Variants in EGFLAM observed in about 807,000 individuals in gnomAD.
EGFLAM encodes pikachurin.
In EGFLAM, 79 loss-of-function variants were observed where a neutral mutation model predicts 113.1. The observed-to-expected ratio is 0.70, with a 90% CI of 0.58 to 0.84. The LOEUF is 0.84. Ranked by LOEUF, EGFLAM falls within the 40% of genes least tolerant of loss-of-function variation. The pLI, the probability that EGFLAM is intolerant of heterozygous loss-of-function variation, is 0.00. For synonymous variants in EGFLAM, 504 were observed against 487.6 expected, an observed-to-expected ratio of 1.03 and a Z score of -0.44; for missense variants, 1,265 against 1,291.6, an observed-to-expected ratio of 0.98 and a Z score of 0.32.
chr5:38,356,226 G>C (rs1248297679), intron 5 of EGFLAM, among the ~76,000 whole-genome samples: 1 of 152,190 alleles, frequency 6.6e-6, no homozygotes, highest in Non-Finnish European at 1.5e-5. Context: ...GGAAGGCCCA[G>C]TCACTTGTTA....
intron 1 of EGFLAM, among the ~76,000 whole-genome samples, chr5:38,314,440 T>C (rs1738538220): frequency 6.6e-6 from 1 of 152,206 alleles, no homozygotes; most frequent in Non-Finnish European, 1.5e-5. Flanking sequence ...ATTATGTGAA[T>C]GTGAGGATGT....
chr5:38,450,466 G>A (rs1742876874), intron 18 of EGFLAM, among the ~76,000 whole-genome samples: 1 of 152,206 alleles, frequency 6.6e-6, no homozygotes, highest in Non-Finnish European at 1.5e-5. Context: ...GAGACAGACA[G>A]AGGGATGGCT....
At chr5:38,377,185 G>A (rs1194078806) in intron 6 of EGFLAM, among the ~76,000 whole-genome samples, 2 of 151,118 alleles carry the variant, frequency 1.3e-5, no homozygotes, top group East Asian at 3.9e-4. Context: ...GCAGTCGTGC[G>A]ATCTCAGTTC....
intron 19 of EGFLAM, among the ~76,000 whole-genome samples, chr5:38,455,355 G>A (rs1320210945): frequency 6.6e-6 from 1 of 152,214 alleles, no homozygotes; most frequent in East Asian, 1.9e-4. Context: ...CAAGACGTGG[G>A]TAGAGAAGTT....
chr5:38,315,603 C>T lies in EGFLAM; in HGVS notation c.98-21917C>T, dbSNP rs115330476. ...GCTTGAGAGGAAATTGGTGTCCTCC[C>T]CAACAAGAGAGAGCACTAAAGAGCC... is the stretch of plus-strand genomic sequence containing the variant. On this transcript the variant is annotated intron_variant, in intron 1 of 21. Transcript: ENST00000322350. 2.1e-3 allele frequency among the ~76,000 whole-genome samples: 326 copies of T among 152,228 alleles called. 1 individual carries two copies. The highest frequency in any genetic ancestry group is 7.6e-3 in the African/African-American group (315 of 41,514).
At chr5:38,391,763 A>G (rs942891909) in intron 6 of EGFLAM, among the ~76,000 whole-genome samples, 1 of 151,640 alleles carries the variant, frequency 6.6e-6, no homozygotes, top group African/African-American at 2.4e-5. Flanking sequence ...TTCAGTCCTC[A>G]TTGTCCTTCA....
intron 1 of EGFLAM, among the ~76,000 whole-genome samples, chr5:38,328,510 G>A (rs571153965): frequency 3.9e-5 from 6 of 152,210 alleles, no homozygotes; most frequent in East Asian, 1.9e-4. Flanking sequence ...GCATATTGCC[G>A]CCAAAGTGTC....
intron 1 of EGFLAM, among the ~76,000 whole-genome samples, chr5:38,318,493 T>C (rs929631154): frequency 1.3e-5 from 2 of 151,814 alleles, no homozygotes; most frequent in African/African-American, 2.4e-5. Context: ...CTATACTCTC[T>C]ATACTATCTA....
rs529243564 is a variant in EGFLAM at position 38,425,232 on chromosome 5, G to A, written c.1810+140G>A. The A allele has an allele frequency of 4.6e-6, 6 of 1,309,152 alleles. No individual in the cohort carries two copies. In the African/African-American group the frequency reaches 7.5e-5, roughly 16 times the overall value. The allele number at this position is 1,309,152 out of a possible 1,614,324, so 81.1% of individuals were successfully genotyped here. The stretch of plus-strand genomic sequence containing the variant: ...CTCCCTCTCTTACCCAGGCCGGAGT[G>A]CAGTGGCGCATCTCGGCTCACTGCA... On this transcript the variant is annotated intron_variant, in intron 13 of 21. Transcript: ENST00000322350.
chr5:38,451,189 G>A (rs1742901234), intron 18 of EGFLAM, 126 bp from the exon 19 acceptor site: 1 of 1,286,698 alleles, frequency 7.8e-7, no homozygotes, highest in Admixed American at 2.0e-5. Context: ...TGGTAATGAA[G>A]TAAGTGTCAG....
At chr5:38,400,335 G>T (rs1380471136) in intron 6 of EGFLAM, among the ~76,000 whole-genome samples, 1 of 152,066 alleles carries the variant, frequency 6.6e-6, no homozygotes, top group Non-Finnish European at 1.5e-5. Context: ...TTTGTGTTTT[G>T]TTTATTAACT....
chr5:38,295,019 G>T lies in EGFLAM; in HGVS notation c.97+36168G>T, dbSNP rs1758420017. Among the ~76,000 whole-genome samples, 2 of 152,136 alleles carry T rather than the reference G, an allele frequency of 1.3e-5. 1 individual carries two copies. Among genetic ancestry groups the T allele is most frequent in the South Asian group, 4.1e-4 (2 of 4,828 alleles). ...ATTTTGTATTTTTAGTGAAGACGGG[G>T]TTTCTCCATGTTGGTCAGGCTGGTC... is the stretch of plus-strand genomic sequence containing the variant. On this transcript the variant is annotated intron_variant, in intron 1 of 21. Coordinates refer to ENST00000322350, the MANE Select transcript of EGFLAM (RefSeq NM_152403.4).
intron 6 of EGFLAM, among the ~76,000 whole-genome samples, chr5:38,374,583 T>A (rs1211447429): frequency 6.6e-6 from 1 of 152,150 alleles, no homozygotes; most frequent in Non-Finnish European, 1.5e-5. Context: ...GGTATTACAA[T>A]AGTGATGTTA....
Position 38,438,364 on chromosome 5 carries a change from C to T in EGFLAM, c.2373C>T (p.Ala791=). ...ATGCGGCCCACCCCTGTGTGAGAGC[C>T]CCTTGTGCCCATGGGGGCAGCTGCC... ...VENAAHPCVR[A]PCAHGGSCRP... The change falls in exon 17 of 22, where the codon GCC becomes GCT. Residue 791 remains alanine (A), a synonymous_variant. Coordinates refer to ENST00000322350, the MANE Select transcript of EGFLAM (RefSeq NM_152403.4). 6.2e-7 allele frequency: 1 copy of T among 1,614,070 alleles called. No individual in the cohort carries two copies. Among genetic ancestry groups the T allele is most frequent in the Non-Finnish European group, 8.5e-7 (1 of 1,179,984 alleles).
At chr5:38,374,041 A>G (rs565177249) in intron 6 of EGFLAM, among the ~76,000 whole-genome samples, 1 of 152,322 alleles carries the variant, frequency 6.6e-6, no homozygotes, top group South Asian at 2.1e-4. Context: ...AAATTTATTC[A>G]GAGTAGGGTT....
chr5:38,417,669 A>G (rs988592788), intron 11 of EGFLAM, among the ~76,000 whole-genome samples: 1 of 152,140 alleles, frequency 6.6e-6, no homozygotes, highest in African/African-American at 2.4e-5. Flanking sequence ...CAAAATTAGT[A>G]TTATCACCTT....
chr5:38,365,995 T>C (rs1330094192), intron 5 of EGFLAM, among the ~76,000 whole-genome samples: 1 of 152,010 alleles, frequency 6.6e-6, no homozygotes, highest in Non-Finnish European at 1.5e-5. Context: ...CATCAAAAGG[T>C]TTTCCTGCCA....
chr5:38,353,975 G>A (rs1429408580), intron 5 of EGFLAM, among the ~76,000 whole-genome samples: 5 of 152,140 alleles, frequency 3.3e-5, no homozygotes, highest in East Asian at 1.9e-4. Flanking sequence ...ACTGTGACCC[G>A]AGTGGGAGAA....
intron 20 of EGFLAM, 51 bp downstream of exon 20, chr5:38,458,445 A>G: frequency 6.3e-7 from 1 of 1,582,834 alleles, no homozygotes; most frequent in Non-Finnish European, 8.6e-7. Context: ...CAGTGGTGGG[A>G]TGTGGTGTCC....
Sources: gnomAD v4.1 joint callset for allele counts (sites outside exome capture counted in the v4.1 genomes callset) on GRCh38, gnomAD v4.1.1 for gene constraint, MANE v1.5 for transcripts, NCBI Gene and HGNC (gene_info 2026-07-23, HGNC 2026-07-21) for gene names.